CXorf58: variants seen among roughly 807,000 people sequenced by gnomAD.
CXorf58 encodes the protein chromosome X open reading frame 58.
A neutral mutation model predicts 26.0 loss-of-function variants in CXorf58; 24 were observed. That is an observed-to-expected ratio of 0.92 (90% CI 0.67 to 1.30). The LOEUF (loss-of-function observed/expected upper bound fraction) is 1.30, where lower values mean the gene tolerates loss of function less well. Ranked by LOEUF, CXorf58 falls within the 50% of genes most tolerant of loss-of-function variation. The pLI is 0.00. For synonymous variants in CXorf58, 87 were observed against 86.1 expected, an observed-to-expected ratio of 1.01 and a Z score of -0.06; for missense variants, 236 against 263.9, an observed-to-expected ratio of 0.89 and a Z score of 0.73.
intron 5 of CXorf58, among the ~76,000 whole-genome samples, chrX:23,920,619 C>T (rs986240596): frequency 7.2e-5 from 8 of 111,628 alleles, no homozygotes; most frequent in Admixed American, 4.8e-4. Flanking sequence ...AAGCCAGGCT[C>T]GGTGGCTCAT....
At chrX:23,930,603 C>A (rs866930054) in intron 6 of CXorf58, among the ~76,000 whole-genome samples, 234 of 75,669 alleles carry the variant, frequency 3.1e-3, no homozygotes, top group Admixed American at 4.9e-3. Context: ...GACCCTGTCT[C>A]AAAAAAAAAA....
At chrX:23,917,347 A>G (rs185856582) in intron 5 of CXorf58, among the ~76,000 whole-genome samples, 7,215 of 108,180 alleles carry the variant, frequency 0.067, 524 homozygotes, top group African/African-American at 0.21. Context: ...AAAAAAAAAA[A>G]AAAAGAAAGA....
At chrX:23,925,433 C>T (rs1326989579) in intron 5 of CXorf58, among the ~76,000 whole-genome samples, 1 of 107,566 alleles carries the variant, frequency 9.3e-6, no homozygotes, top group East Asian at 2.9e-4. Flanking sequence ...CTGCAACCTC[C>T]ACCTCTCAGG....
intron 6 of CXorf58, among the ~76,000 whole-genome samples, chrX:23,929,336 G>A (rs959721161): frequency 5.7e-5 from 6 of 106,049 alleles, no homozygotes; most frequent in Non-Finnish European, 1.2e-4. Context: ...AACCCAGGAG[G>A]CGGAGCTTGC....
chrX:23,916,387 C>A, intron 5 of CXorf58, 59 bp downstream of exon 5: 1 of 685,026 alleles, frequency 1.5e-6, no homozygotes, highest in Middle Eastern at 4.6e-4. Context: ...TACATAGTAT[C>A]TGAATTGCAT....
rs1235553978 is a variant in CXorf58, at chrX:23,910,308, T to A, written c.6T>A (p.Asn2Lys). 3 of 1,155,486 alleles carry A rather than the reference T, an allele frequency of 2.6e-6. No homozygotes were observed. Among genetic ancestry groups the A allele is most frequent in the Non-Finnish European group, 3.5e-6 (3 of 851,310 alleles). Reference sequence around the variant, plus strand: ...ATTACTTCATTGGAGGGAAAATGAATCGTTCCTCAAATGTACCACGTAAAG... The same window carrying A: ...ATTACTTCATTGGAGGGAAAATGAAACGTTCCTCAAATGTACCACGTAAAG... M[N>K]RSSNVPRKGI... The change falls in exon 2 of 9, where the codon AAT becomes AAA. Residue 2 changes from asparagine (N) to lysine (K), a missense_variant. Asn to Lys is a moderately conservative substitution (Grantham distance 94). Transcript: ENST00000379211.
chrX:23,915,897 C>T (rs1336974533), intron 4 of CXorf58, 103 bp downstream of exon 4: 2 of 490,675 alleles, frequency 4.1e-6, no homozygotes, highest in Admixed American at 4.0e-5. Flanking sequence ...AACTTAATTA[C>T]AAAGTAAATG....
chrX:23,936,105 T>C (rs1170959737), intron 7 of CXorf58, among the ~76,000 whole-genome samples: 1 of 109,475 alleles, frequency 9.1e-6, no homozygotes, highest in African/African-American at 3.3e-5. Context: ...TGAGAGGCAG[T>C]GCGATCTGCC....
At chrX:23,929,283 A>G (rs1928092635) in intron 6 of CXorf58, among the ~76,000 whole-genome samples, 1 of 108,526 alleles carries the variant, frequency 9.2e-6, no homozygotes, top group South Asian at 4.0e-4. Context: ...GCGGGCACCT[A>G]TAGTCCCAGC....
intron 6 of CXorf58, among the ~76,000 whole-genome samples, 191 bp from the exon 7 acceptor site, chrX:23,935,005 C>G (rs1401597652): frequency 9.1e-6 from 1 of 110,083 alleles, no homozygotes; most frequent in Non-Finnish European, 1.9e-5. Flanking sequence ...GCTGGAACCA[C>G]AGGCACAAGC....
intron 8 of CXorf58, among the ~76,000 whole-genome samples, 171 bp downstream of exon 8, chrX:23,938,871 A>T (rs925935986): frequency 9.8e-5 from 11 of 112,010 alleles, no homozygotes; most frequent in African/African-American, 1.6e-4. Flanking sequence ...AACATTTTTT[A>T]AAAAATTCTT....
intron 7 of CXorf58, among the ~76,000 whole-genome samples, chrX:23,937,913 T>C (rs1368675177): frequency 1.9e-5 from 2 of 106,367 alleles, no homozygotes; most frequent in African/African-American, 6.9e-5. Context: ...TGAGCTGGAG[T>C]CTCGCTCTGT....
At chrX:23,930,575 G>T (rs1296444223) in intron 6 of CXorf58, among the ~76,000 whole-genome samples, 1 of 98,750 alleles carries the variant, frequency 1.0e-5, no homozygotes, top group East Asian at 3.2e-4. Flanking sequence ...TTGCACTCCA[G>T]CCTGGGCAAC....
intron 6 of CXorf58, among the ~76,000 whole-genome samples, chrX:23,931,031 A>G (rs1011717981): frequency 8.9e-6 from 1 of 112,222 alleles, no homozygotes; most frequent in African/African-American, 3.2e-5. Context: ...TATTTGTGAT[A>G]TCCACTTTAT....
chrX:23,939,435 C>G lies in CXorf58; in HGVS notation c.*132C>G, dbSNP rs753135175. 163 of 444,722 alleles carry G rather than the reference C, an allele frequency of 3.7e-4. 1 individual carries two copies. The highest frequency in any genetic ancestry group is 3.5e-3 in the African/African-American group (143 of 40,476). 36.7% of individuals were successfully genotyped at this position (444,722 alleles called of 1,213,427 possible). ...AATGAACAGTTAATTGACAGAAAAC[C>G]AAAGTTGTTTAACAATCTGCTTGTC... On this transcript the variant is annotated 3_prime_UTR_variant, in exon 9 of 9. Coordinates refer to ENST00000379211, the MANE Select transcript of CXorf58 (RefSeq NM_152761.3).
chrX:23,908,293 G>A lies in CXorf58; in HGVS notation c.-57G>A, dbSNP rs1392621706. The A allele has an allele frequency of 8.9e-6, 1 of 112,904 alleles. No individual in the cohort carries two copies. The highest frequency in any genetic ancestry group is 3.2e-5 in the African/African-American group (1 of 31,120). 9.3% of individuals were successfully genotyped at this position (112,904 alleles called of 1,213,427 possible). ...TATGCTGTGTCCTTTAATCGGAAAAGGCTCTGACCTTATTTTTTCCCGTTA... is the reference window on the plus strand; with the variant it reads ...TATGCTGTGTCCTTTAATCGGAAAAAGCTCTGACCTTATTTTTTCCCGTTA... On this transcript the variant is annotated 5_prime_UTR_variant, in exon 1 of 9. Coordinates refer to ENST00000379211, the MANE Select transcript of CXorf58 (RefSeq NM_152761.3).
intron 2 of CXorf58, 22 bp downstream of exon 2, chrX:23,910,440 T>C: frequency 1.2e-6 from 1 of 863,662 alleles, no homozygotes; most frequent in African/African-American, 1.9e-5. Flanking sequence ...TGTTTTGCCT[T>C]GTGTTATCTT....
intron 6 of CXorf58, among the ~76,000 whole-genome samples, chrX:23,930,529 C>G (rs1431942717): frequency 3.8e-5 from 4 of 104,455 alleles, no homozygotes; most frequent in African/African-American, 1.4e-4. Flanking sequence ...CCCAGCTACT[C>G]AGGAGACTGA....
intron 5 of CXorf58, among the ~76,000 whole-genome samples, chrX:23,925,088 CTGTT>C (rs1180059122): frequency 1.8e-5 from 2 of 111,626 alleles, no homozygotes; most frequent in African/African-American, 3.2e-5. Context: ...TTTCACTAAA[CTGTT>C]TGTCTCTTCA....
Sources: gnomAD v4.1 joint callset for allele counts (sites outside exome capture counted in the v4.1 genomes callset) on GRCh38, gnomAD v4.1.1 for gene constraint, MANE v1.5 for transcripts, NCBI Gene and HGNC (gene_info 2026-07-23, HGNC 2026-07-21) for gene names.